Variants in FARP2 observed in about 807,000 individuals in gnomAD.
FARP2 encodes FERM, ARH/RhoGEF and pleckstrin domain protein 2, also known as FERM, ARHGEF and pleckstrin domain-containing protein 2.
In FARP2, 111 loss-of-function variants were observed where a neutral mutation model predicts 130.5. The ratio of observed to expected loss-of-function variants is 0.85; its 90% confidence interval spans 0.73 to 1.00. FARP2 has a LOEUF of 1.00. Among genes scored for constraint, FARP2 ranks in the 50% least tolerant of loss-of-function variants. The pLI is 0.00. For synonymous variants in FARP2, 504 were observed against 516.9 expected, an observed-to-expected ratio of 0.98 and a Z score of 0.34; for missense variants, 1,385 against 1,346.3, an observed-to-expected ratio of 1.03 and a Z score of -0.45.
intron 8 of FARP2, among the ~76,000 whole-genome samples, chr2:241,418,632 T>C (rs1314541528): frequency 3.3e-5 from 5 of 152,218 alleles, no homozygotes; most frequent in African/African-American, 4.8e-5. Context: ...TGTTGTCTTC[T>C]GAAGTGTTTG....
At chr2:241,364,370 A>G (rs1371979169) in intron 1 of FARP2, among the ~76,000 whole-genome samples, 4 of 152,244 alleles carry the variant, frequency 2.6e-5, no homozygotes, top group Admixed American at 1.3e-4. Context: ...GGAAATCCAC[A>G]TAAGACCCCA....
At chr2:241,465,585 C>A in intron 17 of FARP2, 2 of 1,550,690 alleles carry the variant, frequency 1.3e-6, no homozygotes, top group Non-Finnish European at 1.7e-6. Context: ...CAGGTGTTCA[C>A]ATGTGGACAA....
At position 241,463,336 on chromosome 2, in the gene FARP2, G is replaced by T. The variant is rs1379366314; in HGVS notation, c.1679G>T (p.Trp560Leu). ...YLKDLEVITV[W>L]FRSAVVKEDA... ...CATCACACCACACTCTTCCCACAGT[G>T]GTTCCGCAGCGCAGTGGTGAAGGAG... is the stretch of plus-strand genomic sequence containing the variant. The change falls in exon 16 of 27, where the codon TGG becomes TTG. Residue 560 changes from tryptophan (W) to leucine (L), a missense_variant and splice_region_variant. Transcript: ENST00000264042. 3 of 1,613,910 alleles carry T rather than the reference G, an allele frequency of 1.9e-6. No homozygotes were observed. The highest frequency in any genetic ancestry group is 1.7e-5 in the Admixed American group (1 of 60,006).
intron 2 of FARP2, among the ~76,000 whole-genome samples, chr2:241,377,742 A>G (rs1001698466): frequency 6.6e-6 from 1 of 151,218 alleles, no homozygotes; most frequent in African/African-American, 2.4e-5. Flanking sequence ...TTTTTTTTCT[A>G]TTATCTCTCA....
intron 7 of FARP2, 98 bp from the exon 8 acceptor site, chr2:241,417,864 C>A: frequency 7.5e-7 from 1 of 1,330,926 alleles, no homozygotes; most frequent in Non-Finnish European, 1.1e-6. Context: ...ACACACAAAG[C>A]CTTCATTGTT....
chr2:241,442,456 G>T (rs568596659), intron 13 of FARP2: 16 of 456,678 alleles, frequency 3.5e-5, no homozygotes, highest in African/African-American at 3.2e-4. Flanking sequence ...CACAAGTGGA[G>T]AAAGAGTCCC....
chr2:241,493,961 C>T (rs932642189), intron 26 of FARP2, 47 bp from the exon 27 acceptor site: 1 of 1,198,564 alleles, frequency 8.3e-7, no homozygotes, highest in Admixed American at 2.9e-5. Context: ...GGGACAGTGT[C>T]TGAGCACAAG....
chr2:241,447,469 C>T (rs1036042026), intron 13 of FARP2, among the ~76,000 whole-genome samples: 9 of 152,036 alleles, frequency 5.9e-5, no homozygotes, highest in Admixed American at 4.6e-4. Context: ...GAGGACGTGC[C>T]GTGCAGGCCC....
At position 241,494,062 on chromosome 2, in the gene FARP2, C is replaced by G; in HGVS notation, c.3102C>G (p.Ile1034Met). 1 of 1,429,504 alleles carries G rather than the reference C, an allele frequency of 7.0e-7. No homozygotes were observed. Among genetic ancestry groups the G allele is most frequent in the Non-Finnish European group, 9.2e-7 (1 of 1,091,884 alleles). 88.6% of individuals were successfully genotyped at this position (1,429,504 alleles called of 1,614,324 possible). A position where few individuals can be genotyped will look rare whatever the true frequency, so the allele number is the denominator to read the frequency against. The change falls in exon 27 of 27, where the codon ATC becomes ATG. Residue 1034 changes from isoleucine (I) to methionine (M), a missense_variant. Coordinates refer to ENST00000264042, the MANE Select transcript of FARP2 (RefSeq NM_014808.4). The surrounding 1 kb of genome is among the most constrained non-coding windows in gnomAD (Gnocchi z 4.9). ...ASSSAGRAPSIVQDGPQPSSG... is the reference protein window; with the variant it reads ...ASSSAGRAPSMVQDGPQPSSG... ...GCTCAGCCGGGAGGGCCCCAAGCATCGTGCAGGATGGCCCCCAACCCTCCT... is the reference window on the plus strand; with the variant it reads ...GCTCAGCCGGGAGGGCCCCAAGCATGGTGCAGGATGGCCCCCAACCCTCCT...
chr2:241,398,859 G>A (rs181744885), intron 2 of FARP2, among the ~76,000 whole-genome samples: 28 of 152,218 alleles, frequency 1.8e-4, no homozygotes, highest in Middle Eastern at 3.4e-3. Context: ...GTGAGCCACC[G>A]CATCCAACCA....
At chr2:241,468,478 A>G in intron 18 of FARP2, 101 bp downstream of exon 18, 1 of 837,526 alleles carries the variant, frequency 1.2e-6, no homozygotes. Flanking sequence ...TGGGAAGCGC[A>G]GGAGTCCACC....
intron 19 of FARP2, among the ~76,000 whole-genome samples, chr2:241,477,721 C>G (rs2064511233): frequency 6.6e-6 from 1 of 152,210 alleles, no homozygotes; most frequent in African/African-American, 2.4e-5. Flanking sequence ...CAGTTTCTCA[C>G]ATCATGTGTC....
At chr2:241,392,902 C>T (rs932080744) in intron 2 of FARP2, among the ~76,000 whole-genome samples, 2 of 150,388 alleles carry the variant, frequency 1.3e-5, no homozygotes, top group Non-Finnish European at 3.0e-5. Context: ...GAGATGGCAC[C>T]ACTACACTCC....
chr2:241,440,904 A>G (rs1175640299), intron 12 of FARP2, among the ~76,000 whole-genome samples: 2 of 152,160 alleles, frequency 1.3e-5, no homozygotes, highest in Non-Finnish European at 2.9e-5. Flanking sequence ...TAATCCCAGC[A>G]TGTTGGAAGG....
intron 18 of FARP2, among the ~76,000 whole-genome samples, chr2:241,474,839 A>AT (rs2064416160): frequency 4.0e-5 from 6 of 150,436 alleles, no homozygotes; most frequent in African/African-American, 7.3e-5. Context: ...AAATAAATAA[A>AT]AAGAAAGAAG....
Position 241,491,534 on chromosome 2 carries a change from C to T in FARP2, c.2642C>T (p.Ser881Phe), listed in dbSNP as rs545074403. ...TRPPRSPNEV[S>F]LEQESEDDAR... is the part of the protein sequence containing the mutation. ...TCCCCAGGATCCCCCAACGAGGTAT[C>T]TCTGGAGCAGGAGTCAGAAGATGAT... is the stretch of plus-strand genomic sequence containing the variant. The change falls in exon 24 of 27, where the codon TCT (serine) becomes TTT (phenylalanine). Residue 881 changes from serine to phenylalanine, a missense_variant. Coordinates refer to ENST00000264042, the MANE Select transcript of FARP2 (RefSeq NM_014808.4). 109 of 1,613,600 alleles carry T rather than the reference C, an allele frequency of 6.8e-5. 2 individuals carry two copies. In the South Asian group the frequency reaches 1.0e-3, roughly 15 times the overall value.
At position 241,491,045 on chromosome 2, in the gene FARP2, G is replaced by A. The variant is rs746944131; in HGVS notation, c.2505-16G>A. The A allele has an allele frequency of 6.3e-7, 1 of 1,594,048 alleles. No homozygotes were observed. Among genetic ancestry groups the A allele is most frequent in the South Asian group, 1.1e-5 (1 of 90,678 alleles). On this transcript the variant is annotated splice_polypyrimidine_tract_variant and intron_variant, in intron 22 of 26. Coordinates refer to ENST00000264042, the MANE Select transcript of FARP2 (RefSeq NM_014808.4). The stretch of plus-strand genomic sequence containing the variant: ...AGGAAGAGCAGAGCCACTGAGCCTT[G>A]CCCTTCTCCCTGCAGCACTCGGCTG...
chr2:241,437,228 A>G (rs1028070845), intron 12 of FARP2, among the ~76,000 whole-genome samples: 3 of 152,230 alleles, frequency 2.0e-5, no homozygotes, highest in Non-Finnish European at 2.9e-5. Flanking sequence ...TTGTATCTCT[A>G]TGTCTTTGGC....
chr2:241,494,218 G>T lies in FARP2; in HGVS notation c.*93G>T. ...GAGGCTTCTCAACAGATGGGAAGTGGCTGTGGTCTCACTGGATCCCCACTG... is the reference window on the plus strand; with the variant it reads ...GAGGCTTCTCAACAGATGGGAAGTGTCTGTGGTCTCACTGGATCCCCACTG... On this transcript the variant is annotated 3_prime_UTR_variant, in exon 27 of 27. Transcript: ENST00000264042. This position sits in a 1 kb window ranked among gnomAD's most constrained non-coding sequence, Gnocchi z 4.9. The T allele has an allele frequency of 4.1e-6, 3 of 736,900 alleles. No homozygotes were observed. Among genetic ancestry groups the T allele is most frequent in the Non-Finnish European group, 6.2e-6 (3 of 484,646 alleles). 45.6% of individuals were successfully genotyped at this position (736,900 alleles called of 1,614,324 possible).
Sources: gnomAD v4.1 joint callset for allele counts (sites outside exome capture counted in the v4.1 genomes callset) on GRCh38, gnomAD v4.1.1 for gene constraint, Gnocchi (gnomAD v3.1) non-coding constraint, MANE v1.5 for transcripts, NCBI Gene and HGNC (gene_info 2026-07-23, HGNC 2026-07-21) for gene names.